The following LRP1B variants were observed in gnomAD, a reference collection of about 807,000 sequenced individuals.
LRP1B encodes low-density lipoprotein receptor-related protein 1B.
Under a neutral mutation model 556.6 loss-of-function variants are expected in LRP1B, and 217 were observed. That is an observed-to-expected ratio of 0.39 (90% CI 0.35 to 0.44). LRP1B has a LOEUF of 0.44. LRP1B is among the 20% of genes least tolerant of loss of function. The pLI, the probability that LRP1B is intolerant of heterozygous loss-of-function variation, is 1.00. For synonymous variants in LRP1B, 2,047 were observed against 1,865.8 expected (o/e 1.10, Z -2.50); for missense variants, 5,053 against 5,620.8 (o/e 0.90, Z 3.23).
Position 140,737,518 on chromosome 2 carries a change from T to C in LRP1B, c.5759-20702A>G, listed in dbSNP as rs553567917. ...GTAGGAGTCACGTTCTTAGTCCTAGTGTATAAAATTGAAATGGACATACCT... is the reference window on the plus strand; with the variant it reads ...GTAGGAGTCACGTTCTTAGTCCTAGCGTATAAAATTGAAATGGACATACCT... On this transcript the variant is annotated intron_variant, in intron 35 of 90. Coordinates refer to ENST00000389484, the MANE Select transcript of LRP1B (RefSeq NM_018557.3). Among the ~76,000 whole-genome samples the C allele has an allele frequency of 4.6e-5, 7 of 152,228 alleles. 1 individual carries two copies. The highest frequency in any genetic ancestry group is 3.9e-4 in the East Asian group (2 of 5,164).
At chr2:141,019,019 A>G (rs983680965) in intron 12 of LRP1B, among the ~76,000 whole-genome samples, 2 of 151,964 alleles carry the variant, frequency 1.3e-5, no homozygotes, top group Non-Finnish European at 2.9e-5. Context: ...GTCTTGAAAC[A>G]ATAATATGTA....
intron 43 of LRP1B, among the ~76,000 whole-genome samples, chr2:140,573,099 G>A (rs7599180): frequency 0.37 from 55,630 of 151,488 alleles, 11,193 homozygotes; most frequent in South Asian, 0.49. Flanking sequence ...GGTGACTATA[G>A]TTAACAACAA....
intron 37 of LRP1B, among the ~76,000 whole-genome samples, chr2:140,705,231 C>A (rs992412721): frequency 3.3e-5 from 5 of 151,658 alleles, no homozygotes; most frequent in Admixed American, 3.3e-4. Flanking sequence ...ATATTTAAAA[C>A]CAAAAAACAG....
At chr2:140,681,635 C>A (rs946315407) in intron 41 of LRP1B, among the ~76,000 whole-genome samples, 8 of 151,504 alleles carry the variant, frequency 5.3e-5, no homozygotes, top group Admixed American at 5.3e-4. Flanking sequence ...GATAATTTAA[C>A]GAAAAAAAGA....
intron 1 of LRP1B, among the ~76,000 whole-genome samples, chr2:141,897,881 C>T (rs1373491093): frequency 6.6e-6 from 1 of 152,114 alleles, no homozygotes; most frequent in Non-Finnish European, 1.5e-5. Flanking sequence ...AAGGATTGTG[C>T]ATACACACAC....
intron 17 of LRP1B, among the ~76,000 whole-genome samples, chr2:140,984,877 C>A (rs2105346917): frequency 6.6e-6 from 1 of 152,030 alleles, no homozygotes; most frequent in East Asian, 1.9e-4. Context: ...TCCACAAACC[C>A]CCAAGGACTG....
At chr2:141,298,845 T>C (rs1013883556) in intron 3 of LRP1B, among the ~76,000 whole-genome samples, 1 of 151,372 alleles carries the variant, frequency 6.6e-6, no homozygotes, top group Non-Finnish European at 1.5e-5. Context: ...TCCCAGCTAC[T>C]TGGGAGGCTG....
At chr2:142,114,451 A>G (rs1022753023) in intron 1 of LRP1B, among the ~76,000 whole-genome samples, 13 of 152,160 alleles carry the variant, frequency 8.5e-5, no homozygotes, top group Non-Finnish European at 1.8e-4. Context: ...CAGCATATCA[A>G]AGAGATATCT....
At chr2:140,701,477 A>C (rs1686638062) in intron 40 of LRP1B, among the ~76,000 whole-genome samples, 1 of 152,096 alleles carries the variant, frequency 6.6e-6, no homozygotes, top group Admixed American at 6.6e-5. Context: ...ACCTATAATC[A>C]AGACATGCCA....
chr2:140,501,609 T>A (rs907852313), intron 55 of LRP1B, 78 bp downstream of exon 55: 34 of 1,045,084 alleles, frequency 3.3e-5, no homozygotes, highest in Non-Finnish European at 3.7e-5. Flanking sequence ...AACTTTTTCA[T>A]CTATATTGGA....
intron 2 of LRP1B, among the ~76,000 whole-genome samples, chr2:141,550,988 A>T (rs1164552145): frequency 2.6e-5 from 4 of 152,112 alleles, no homozygotes; most frequent in Non-Finnish European, 4.4e-5. Context: ...ACATCCTATC[A>T]GTATGAAACA....
intron 1 of LRP1B, among the ~76,000 whole-genome samples, chr2:141,940,515 C>T (rs1362324589): frequency 6.6e-6 from 1 of 152,054 alleles, no homozygotes; most frequent in Admixed American, 6.6e-5. Context: ...TGAAATGTTA[C>T]TATGTTTTAG....
At chr2:141,479,918 C>T (rs1385976264) in intron 3 of LRP1B, among the ~76,000 whole-genome samples, 1 of 152,042 alleles carries the variant, frequency 6.6e-6, no homozygotes, top group East Asian at 1.9e-4. Context: ...AGAAAGTTAA[C>T]AGTCTAATAT....
chr2:142,050,466 T>C (rs1428940194), intron 1 of LRP1B, among the ~76,000 whole-genome samples: 1 of 152,140 alleles, frequency 6.6e-6, no homozygotes, highest in Non-Finnish European at 1.5e-5. Flanking sequence ...TTTTGTACAA[T>C]AGATTACAAT....
Position 140,674,807 on chromosome 2 carries a change from C to T in LRP1B, c.6799+25443G>A, listed in dbSNP as rs17287003. On this transcript the variant is annotated intron_variant, in intron 41 of 90. Transcript: ENST00000389484. ...ATATTTTGAATAGTTTGACTCTTTT[C>T]GTAGACATTTGTTATAGCAGCACTT... is the stretch of plus-strand genomic sequence containing the variant. Among the ~76,000 whole-genome samples the T allele has an allele frequency of 4.6e-3, 708 of 152,304 alleles. 4 individuals carry two copies. The highest frequency in any genetic ancestry group is 0.015 in the African/African-American group (633 of 41,576).
intron 2 of LRP1B, among the ~76,000 whole-genome samples, chr2:141,719,907 C>G (rs1177611889): frequency 2.6e-5 from 4 of 152,036 alleles, no homozygotes; most frequent in African/African-American, 9.7e-5. Flanking sequence ...ATGCTCACTA[C>G]CTAGGTGATG....
intron 1 of LRP1B, among the ~76,000 whole-genome samples, chr2:141,865,319 G>A (rs1558927196): frequency 6.6e-6 from 1 of 152,176 alleles, no homozygotes; most frequent in East Asian, 1.9e-4. Flanking sequence ...ATGGCCGGGC[G>A]CGGTGGCTCA....
chr2:141,926,633 G>T (rs1432973684), intron 1 of LRP1B, among the ~76,000 whole-genome samples: 1 of 152,020 alleles, frequency 6.6e-6, no homozygotes, highest in Non-Finnish European at 1.5e-5. Context: ...AGCCCATATT[G>T]GCATCTACTT....
At chr2:141,801,857 T>G (rs944994711) in intron 2 of LRP1B, among the ~76,000 whole-genome samples, 9 of 152,228 alleles carry the variant, frequency 5.9e-5, no homozygotes, top group African/African-American at 1.9e-4. Flanking sequence ...ATTGCTGGAT[T>G]TTTCTTACAC....
Sources: gnomAD v4.1 joint callset for allele counts (sites outside exome capture counted in the v4.1 genomes callset) on GRCh38, gnomAD v4.1.1 for gene constraint, MANE v1.5 for transcripts, NCBI Gene and HGNC (gene_info 2026-07-23, HGNC 2026-07-21) for gene names.